MPPE1: variants seen among roughly 807,000 people sequenced by gnomAD.
The protein encoded by MPPE1 is metallo phosphoesterase.
A neutral mutation model predicts 43.8 loss-of-function variants in MPPE1; 28 were observed. The ratio of observed to expected loss-of-function variants is 0.64; its 90% CI spans 0.47 to 0.88. The LOEUF (loss-of-function observed/expected upper bound fraction) is 0.88. Ranked by LOEUF, MPPE1 falls within the 40% of genes least tolerant of loss-of-function variation. The pLI, the probability that MPPE1 is intolerant of heterozygous loss-of-function variation, is 0.00. For missense variants in MPPE1, 428 were observed against 492.2 expected, an observed-to-expected ratio of 0.87 and a Z score of 1.23; for synonymous variants, 159 against 188.5, an observed-to-expected ratio of 0.84 and a Z score of 1.28.
intron 10 of MPPE1, chr18:11,884,977 G>T: frequency 7.7e-7 from 1 of 1,302,842 alleles, no homozygotes; most frequent in Non-Finnish European, 1.0e-6. Flanking sequence ...CAGGGTCATC[G>T]GTCAGCGAGG....
At chr18:11,890,717 A>G (rs1486035103) in intron 4 of MPPE1, among the ~76,000 whole-genome samples, 1 of 152,232 alleles carries the variant, frequency 6.6e-6, no homozygotes, top group Non-Finnish European at 1.5e-5. Flanking sequence ...CCTGAAGACC[A>G]TTCATAGACC....
intron 2 of MPPE1, among the ~76,000 whole-genome samples, chr18:11,899,326 AT>A (rs2038908469): frequency 6.6e-6 from 1 of 152,236 alleles, no homozygotes; most frequent in South Asian, 2.1e-4. Flanking sequence ...ATCTGTGAAT[AT>A]GAATATTGAG....
In MPPE1 at chr18:11,886,474, T is replaced by C. The variant is rs2037269318; in HGVS notation, c.867+25A>G. On this transcript the variant is annotated intron_variant, in intron 9 of 10. Coordinates refer to ENST00000588072, the MANE Select transcript of MPPE1 (RefSeq NM_023075.6). The surrounding 1 kb of genome is among the most constrained non-coding windows in gnomAD (Gnocchi z 4.1). ...GATGAGAGTCACACTGTGACATGAATTAGCATCACGACACCCTGGCAAACC... is the reference window on the plus strand; with the variant it reads ...GATGAGAGTCACACTGTGACATGAACTAGCATCACGACACCCTGGCAAACC... 6.2e-7 allele frequency: 1 copy of C among 1,614,084 alleles called. No individual in the cohort carries two copies. The highest frequency in any genetic ancestry group is 1.1e-5 in the South Asian group (1 of 91,082).
chr18:11,900,933 A>C (rs1382032916), intron 2 of MPPE1, among the ~76,000 whole-genome samples: 1 of 151,860 alleles, frequency 6.6e-6, no homozygotes, highest in Non-Finnish European at 1.5e-5. Context: ...AAGTAAGAGA[A>C]AAAGAAAAAT....
chr18:11,891,078 C>T (rs1216960718), intron 4 of MPPE1: 8 of 152,102 alleles, frequency 5.3e-5, no homozygotes, highest in Non-Finnish European at 1.0e-4. Context: ...TAGATAGTAA[C>T]CAACTTTATC....
intron 2 of MPPE1, among the ~76,000 whole-genome samples, chr18:11,904,524 G>C (rs926881229): frequency 6.6e-6 from 1 of 152,084 alleles, no homozygotes; most frequent in South Asian, 2.1e-4. Context: ...TCACCATGTC[G>C]CTTAGGCTGG....
At chr18:11,899,514 A>C (rs2038926824) in intron 2 of MPPE1, among the ~76,000 whole-genome samples, 1 of 152,202 alleles carries the variant, frequency 6.6e-6, no homozygotes. Context: ...CCTGTAAAGA[A>C]AGCATCTATT....
rs183046782 is a variant in MPPE1 at position 11,906,631 on chromosome 18, T to G, written c.-199-322A>C. ...CAGCACTTTGAGAGGCCGAGGTGGGTGATCACCTGAGGTCGGGAGTTCAAG... is the reference window on the plus strand; with the variant it reads ...CAGCACTTTGAGAGGCCGAGGTGGGGGATCACCTGAGGTCGGGAGTTCAAG... On this transcript the variant is annotated intron_variant, in intron 1 of 10. Transcript: ENST00000588072. Among the ~76,000 whole-genome samples the G allele has an allele frequency of 1.8e-3, 270 of 152,050 alleles. 2 individuals carry two copies. Among genetic ancestry groups the G allele is most frequent in the African/African-American group, 5.9e-3 (244 of 41,490 alleles).
intron 3 of MPPE1, among the ~76,000 whole-genome samples, chr18:11,894,307 G>A (rs2038333337): frequency 6.6e-6 from 1 of 151,864 alleles, no homozygotes; most frequent in Non-Finnish European, 1.5e-5. Flanking sequence ...ATGCGCCTGT[G>A]GTACCAGCTA....
intron 4 of MPPE1, among the ~76,000 whole-genome samples, chr18:11,890,053 C>T (rs914714820): frequency 1.4e-4 from 22 of 151,858 alleles, no homozygotes; most frequent in African/African-American, 5.1e-4. Context: ...CGCCATTCTC[C>T]TGCCTCAGCC....
chr18:11,894,449 A>C (rs1044371338), intron 3 of MPPE1, among the ~76,000 whole-genome samples: 105 of 150,210 alleles, frequency 7.0e-4, no homozygotes, highest in African/African-American at 2.5e-3. Context: ...AAAAAAAAAA[A>C]AAAAAACAGC....
intron 2 of MPPE1, among the ~76,000 whole-genome samples, chr18:11,901,622 C>A (rs2039215495): frequency 6.6e-6 from 1 of 151,882 alleles, no homozygotes; most frequent in Admixed American, 6.5e-5. Context: ...AGGTGGATCA[C>A]CTGAGGTCAG....
intron 4 of MPPE1, among the ~76,000 whole-genome samples, chr18:11,890,403 G>A (rs1162571982): frequency 6.6e-6 from 1 of 152,118 alleles, no homozygotes; most frequent in Admixed American, 6.6e-5. Context: ...TCTGCCTCCA[G>A]TGTTCAAGTG....
chr18:11,904,458 G>T (rs1192669884), intron 2 of MPPE1, among the ~76,000 whole-genome samples: 1 of 152,106 alleles, frequency 6.6e-6, no homozygotes, highest in Non-Finnish European at 1.5e-5. Flanking sequence ...GGGATTACAG[G>T]TGAGTGTGTG....
At chr18:11,901,560 G>A (rs942027303) in intron 2 of MPPE1, among the ~76,000 whole-genome samples, 30 of 151,616 alleles carry the variant, frequency 2.0e-4, no homozygotes, top group African/African-American at 7.3e-4. Context: ...GGAACAGCTG[G>A]CCTGGCACAG....
rs367940553 is a variant in MPPE1, at chr18:11,886,734, C to A, written c.723G>T (p.Thr241=). The change falls in exon 8 of 11, where the codon ACG becomes ACT. Residue 241 remains threonine (T), a synonymous_variant. Coordinates refer to ENST00000588072, the MANE Select transcript of MPPE1 (RefSeq NM_023075.6). This position sits in a 1 kb window ranked among gnomAD's most constrained non-coding sequence, Gnocchi z 4.1. The part of the protein sequence containing the change: ...SRCGPGPLLP[T]SAPVLLQHYP... Reference sequence around the variant, plus strand: ...TCACCTGCAGGAGGACAGGGGCAGACGTGGGCAGCAGAGGCCCAGGTCCAC... The same window carrying A: ...TCACCTGCAGGAGGACAGGGGCAGAAGTGGGCAGCAGAGGCCCAGGTCCAC... The A allele has an allele frequency of 1.2e-6, 2 of 1,613,392 alleles. No individual in the cohort carries two copies. The highest frequency in any genetic ancestry group is 2.7e-5 in the African/African-American group (2 of 74,912).
rs191549906 is a variant in MPPE1, at chr18:11,899,639, C to T, written c.-92-2283G>A. ...GCTCAAGATGAGCATCTGAGAAGGGCGGTGACCTTCCCAGGGAGGGTATAG... is the reference window on the plus strand; with the variant it reads ...GCTCAAGATGAGCATCTGAGAAGGGTGGTGACCTTCCCAGGGAGGGTATAG... On this transcript the variant is annotated intron_variant, in intron 2 of 10. Transcript: ENST00000588072. Among the ~76,000 whole-genome samples the T allele has an allele frequency of 7.5e-3, 1,145 of 152,228 alleles. 8 individuals are homozygous for T. Among genetic ancestry groups the T allele is most frequent in the Non-Finnish European group, 0.01 (685 of 68,006 alleles).
chr18:11,894,731 C>A (rs1208508251), intron 3 of MPPE1, among the ~76,000 whole-genome samples: 2 of 152,086 alleles, frequency 1.3e-5, no homozygotes, highest in Admixed American at 1.3e-4. Flanking sequence ...GCTGGGATTA[C>A]AGGCATGTGC....
At chr18:11,896,900 A>T in intron 3 of MPPE1, 84 bp downstream of exon 3, 2 of 1,236,832 alleles carry the variant, frequency 1.6e-6, no homozygotes, top group Non-Finnish European at 2.2e-6. Context: ...AGAGTAACCT[A>T]AAGCCATAAG....
Sources: gnomAD v4.1 joint callset for allele counts (sites outside exome capture counted in the v4.1 genomes callset) on GRCh38, gnomAD v4.1.1 for gene constraint, Gnocchi (gnomAD v3.1) non-coding constraint, MANE v1.5 for transcripts, NCBI Gene and HGNC (gene_info 2026-07-23, HGNC 2026-07-21) for gene names.